RPS6KC1: variants seen among roughly 807,000 people sequenced by gnomAD.
The protein encoded by RPS6KC1 is ribosomal protein S6 kinase C1.
In RPS6KC1, 54 loss-of-function variants were observed where a neutral mutation model predicts 103.8. The observed-to-expected ratio is 0.52, with a 90% CI of 0.42 to 0.65. The LOEUF is 0.65. Ranked by LOEUF, RPS6KC1 falls within the 30% of genes least tolerant of loss-of-function variation. The pLI is 0.00. For missense variants in RPS6KC1, 1,151 were observed against 1,253.8 expected (o/e 0.92, Z 1.24); for synonymous variants, 439 against 438.7 (o/e 1.00, Z -0.01).
chr1:213,121,322 G>C (rs2084360248), intron 5 of RPS6KC1, among the ~76,000 whole-genome samples: 1 of 152,000 alleles, frequency 6.6e-6, no homozygotes, highest in African/African-American at 2.4e-5. Flanking sequence ...GTGATAAACT[G>C]GTAAATATAG....
intron 1 of RPS6KC1, among the ~76,000 whole-genome samples, chr1:213,053,329 A>G (rs918121915): frequency 1.3e-5 from 2 of 152,244 alleles, no homozygotes; most frequent in Non-Finnish European, 2.9e-5. Flanking sequence ...GTTCTCTATC[A>G]TTGGCATTTG....
the RPS6KC1 span, among the ~76,000 whole-genome samples, chr1:213,745,432 A>C: frequency 2.6e-5 from 4 of 152,050 alleles, no homozygotes; most frequent in Admixed American, 6.6e-5. Context: ...AAAAAAAAAA[A>C]AAAAACACTT....
the RPS6KC1 span, among the ~76,000 whole-genome samples, chr1:213,352,724 C>T: frequency 1.3e-5 from 2 of 152,134 alleles, no homozygotes; most frequent in Admixed American, 6.6e-5. Context: ...ACTATAGGGT[C>T]TCCCTATGAT....
chr1:213,199,793 G>C (rs2093088046), intron 8 of RPS6KC1, among the ~76,000 whole-genome samples: 1 of 152,178 alleles, frequency 6.6e-6, no homozygotes, highest in Non-Finnish European at 1.5e-5. Flanking sequence ...CAAAGTTGCA[G>C]GATACAAAAT....
At chr1:213,390,375 A>G in the RPS6KC1 span, among the ~76,000 whole-genome samples, 2 of 152,240 alleles carry the variant, frequency 1.3e-5, no homozygotes, top group Non-Finnish European at 2.9e-5. Context: ...CTTCCGTTGT[A>G]ATACAACCTG....
At chr1:213,842,378 T>A in the RPS6KC1 span, 2 of 152,286 alleles carry the variant, frequency 1.3e-5, no homozygotes, top group South Asian at 4.1e-4. Flanking sequence ...CTGTCTCCCC[T>A]CCACCACCAT....
At chr1:213,206,898 G>A (rs951757034) in intron 8 of RPS6KC1, among the ~76,000 whole-genome samples, 5 of 152,134 alleles carry the variant, frequency 3.3e-5, no homozygotes. Flanking sequence ...GGATCACGAG[G>A]TCAGGAGTTT....
At chr1:213,739,319 G>A in the RPS6KC1 span, among the ~76,000 whole-genome samples, 4 of 152,088 alleles carry the variant, frequency 2.6e-5, no homozygotes, top group Non-Finnish European at 4.4e-5. Context: ...TACAAAATAT[G>A]TGTTAATCAA....
the RPS6KC1 span, among the ~76,000 whole-genome samples, chr1:213,583,880 C>T: frequency 6.6e-6 from 1 of 151,094 alleles, no homozygotes; most frequent in African/African-American, 2.4e-5. Flanking sequence ...ACACAGATTC[C>T]AGGACCCCAT....
At chr1:213,560,268 C>T in the RPS6KC1 span, among the ~76,000 whole-genome samples, 1 of 152,166 alleles carries the variant, frequency 6.6e-6, no homozygotes, top group Non-Finnish European at 1.5e-5. Context: ...AGTAGATGAG[C>T]CTGACCTATT....
chr1:213,195,606 C>T (rs1170726169), intron 8 of RPS6KC1, among the ~76,000 whole-genome samples: 2 of 152,146 alleles, frequency 1.3e-5, no homozygotes, highest in Non-Finnish European at 2.9e-5. Context: ...TTCTCCCTCA[C>T]TGCCCTTCCA....
the RPS6KC1 span, among the ~76,000 whole-genome samples, chr1:213,676,739 C>T: frequency 6.6e-6 from 1 of 152,212 alleles, no homozygotes; most frequent in South Asian, 2.1e-4. Context: ...CATGCCCCTT[C>T]TCCAACCAGA....
chr1:213,285,410 G>A, the RPS6KC1 span, among the ~76,000 whole-genome samples: 1 of 152,100 alleles, frequency 6.6e-6, no homozygotes, highest in Non-Finnish European at 1.5e-5. Flanking sequence ...CAGTTCCCAC[G>A]AGTTCTTCGT....
the RPS6KC1 span, among the ~76,000 whole-genome samples, chr1:213,441,469 A>C: frequency 1.3e-5 from 2 of 152,086 alleles, no homozygotes; most frequent in Non-Finnish European, 2.9e-5. Context: ...GGCTTATTTC[A>C]CTCAGCATAA....
At chr1:213,159,589 G>A (rs904614541) in intron 6 of RPS6KC1, among the ~76,000 whole-genome samples, 1 of 152,174 alleles carries the variant, frequency 6.6e-6, no homozygotes, top group Non-Finnish European at 1.5e-5. Flanking sequence ...TGTTTTTGCA[G>A]ATGTTTTTAT....
At chr1:213,229,707 G>C (rs778571812) in intron 8 of RPS6KC1, among the ~76,000 whole-genome samples, 1 of 152,058 alleles carries the variant, frequency 6.6e-6, no homozygotes, top group Non-Finnish European at 1.5e-5. Flanking sequence ...GAGTAGTTTA[G>C]GGGGGCAATG....
the RPS6KC1 span, among the ~76,000 whole-genome samples, chr1:213,519,151 A>G: frequency 1.3e-5 from 2 of 152,210 alleles, no homozygotes; most frequent in South Asian, 2.1e-4. Flanking sequence ...AACTTAATAG[A>G]AATCCTTTGA....
chr1:213,712,297 C>A, the RPS6KC1 span, among the ~76,000 whole-genome samples: 2 of 152,214 alleles, frequency 1.3e-5, no homozygotes, highest in African/African-American at 4.8e-5. Flanking sequence ...AACTTCCTGG[C>A]AGCTTTGTTT....
chr1:213,781,129 T>G, the RPS6KC1 span, among the ~76,000 whole-genome samples: 2 of 152,210 alleles, frequency 1.3e-5, no homozygotes, highest in East Asian at 3.9e-4. Flanking sequence ...TGCAGACAGG[T>G]GGAGGCAAGA....
Sources: gnomAD v4.1 joint callset for allele counts (sites outside exome capture counted in the v4.1 genomes callset) on GRCh38, gnomAD v4.1.1 for gene constraint, MANE v1.5 for transcripts, NCBI Gene and HGNC (gene_info 2026-07-23, HGNC 2026-07-21) for gene names.